Variants in NOPCHAP1 observed in about 807,000 individuals in gnomAD.
The protein encoded by NOPCHAP1 is DNA damage-sensitive RNA 1.
Under a neutral mutation model 14.0 loss-of-function variants are expected in NOPCHAP1, and 13 were observed. The observed-to-expected ratio is 0.93, with a 90% CI of 0.60 to 1.47. The LOEUF is 1.47. Among genes scored for constraint, NOPCHAP1 ranks in the 40% most tolerant of loss-of-function variants. The pLI is 0.00. For synonymous variants in NOPCHAP1, 78 were observed against 78.4 expected (o/e 1.00, Z 0.03); for missense variants, 230 against 226.9 (o/e 1.01, Z -0.09).
At position 105,003,260 on chromosome 12, in the gene NOPCHAP1, T is replaced by C. The variant is rs914433936; in HGVS notation, c.*8564T>C. ...CACTGGAATTCTAATTTTTTTTGTG[T>C]GTGTGTGAGTTTCATTTTTCTAGAA... is the stretch of plus-strand genomic sequence containing the variant. On this transcript the variant is annotated 3_prime_UTR_variant, in exon 4 of 4. Coordinates refer to ENST00000552951, the MANE Select transcript of NOPCHAP1 (RefSeq NM_152318.3). The C allele has an allele frequency of 3.4e-4, 52 of 152,222 alleles. No homozygotes were observed. Among genetic ancestry groups the C allele is most frequent in the African/African-American group, 1.2e-3 (51 of 41,458 alleles). The allele number at this position is 152,222 out of a possible 1,614,324, so 9.4% of individuals were successfully genotyped here.
intron 2 of NOPCHAP1, among the ~76,000 whole-genome samples, chr12:104,989,601 T>G (rs1485032104): frequency 6.6e-6 from 1 of 152,226 alleles, no homozygotes; most frequent in African/African-American, 2.4e-5. Context: ...ATGTGCCCTT[T>G]GTAGTTTTCT....
rs541288389 is a variant in NOPCHAP1, at chr12:105,005,114, G to T, written c.*10418G>T. The T allele has an allele frequency of 2.0e-5, 3 of 152,288 alleles. No homozygotes were observed. Among genetic ancestry groups the T allele is most frequent in the Middle Eastern group, 3.4e-3 (1 of 298 alleles). 9.4% of individuals were successfully genotyped at this position (152,288 alleles called of 1,614,324 possible). A position where few individuals can be genotyped will look rare whatever the true frequency, so the allele number is the denominator to read the frequency against. ...TATAGAAGAAGAAGGCATACTCATT[G>T]TAACTTTATGGAAATACATTGTAAT... is the stretch of plus-strand genomic sequence containing the variant. On this transcript the variant is annotated 3_prime_UTR_variant, in exon 4 of 4. Coordinates refer to ENST00000552951, the MANE Select transcript of NOPCHAP1 (RefSeq NM_152318.3).
chr12:105,011,200 T>C lies in NOPCHAP1; in HGVS notation c.*16504T>C, dbSNP rs993851639. The C allele has an allele frequency of 3.3e-5, 5 of 152,250 alleles. No homozygotes were observed. Among genetic ancestry groups the C allele is most frequent in the Non-Finnish European group, 5.9e-5 (4 of 68,036 alleles). 9.4% of individuals were successfully genotyped at this position (152,250 alleles called of 1,614,324 possible). On this transcript the variant is annotated 3_prime_UTR_variant, in exon 4 of 4. Transcript: ENST00000552951. ...ATATATTTAGGATAGTTAGCTCTTC[T>C]TGTTGGGTTGATCCCTTTACCATTA...
rs1406774514 is a variant in NOPCHAP1 at position 104,986,469 on chromosome 12, T to G, written c.115+2T>G. ...CGGCGGGAAGCGACGGCCGCGGAGGTGACGGACGGGTGACGGCGGCATGGG... is the reference window on the plus strand; with the variant it reads ...CGGCGGGAAGCGACGGCCGCGGAGGGGACGGACGGGTGACGGCGGCATGGG... On this transcript the variant is annotated splice_donor_variant, in intron 1 of 3. Coordinates refer to ENST00000552951, the MANE Select transcript of NOPCHAP1 (RefSeq NM_152318.3). LOFTEE classifies it high-confidence loss of function. 6.3e-7 allele frequency: 1 copy of G among 1,596,722 alleles called. No homozygotes were observed.
chr12:104,997,877 C>T lies in NOPCHAP1; in HGVS notation c.*3181C>T, dbSNP rs990979761. 2.0e-5 allele frequency: 3 copies of T among 152,136 alleles called. No homozygotes were observed. Among genetic ancestry groups the T allele is most frequent in the Non-Finnish European group, 4.4e-5 (3 of 68,024 alleles). 9.4% of individuals were successfully genotyped at this position (152,136 alleles called of 1,614,324 possible). On this transcript the variant is annotated 3_prime_UTR_variant, in exon 4 of 4. Coordinates refer to ENST00000552951, the MANE Select transcript of NOPCHAP1 (RefSeq NM_152318.3). ...TCTCTTTTCATAATCCCATATTTCT[C>T]GGAAGTTTTGTCCATTCTTTATTGT...
At chr12:104,991,154 G>A (rs1225320197) in intron 2 of NOPCHAP1, among the ~76,000 whole-genome samples, 2 of 152,174 alleles carry the variant, frequency 1.3e-5, no homozygotes, top group African/African-American at 2.4e-5. Context: ...GTGTCACTGT[G>A]ATGCCACTAA....
rs578084418 is a variant in NOPCHAP1, at chr12:105,008,089, A to G, written c.*13393A>G. On this transcript the variant is annotated 3_prime_UTR_variant, in exon 4 of 4. Coordinates refer to ENST00000552951, the MANE Select transcript of NOPCHAP1 (RefSeq NM_152318.3). Reference sequence around the variant, plus strand: ...AGGAATTGCCACACTGTCTTCCACAATGGTTGAACTAATTTACAATCCCAC... The same window carrying G: ...AGGAATTGCCACACTGTCTTCCACAGTGGTTGAACTAATTTACAATCCCAC... The G allele has an allele frequency of 3.9e-5, 6 of 152,288 alleles. No homozygotes were observed. The South Asian group carries it at 6.2e-4, about 16-fold the overall frequency. The allele number at this position is 152,288 out of a possible 1,614,324, so 9.4% of individuals were successfully genotyped here. A position where few individuals can be genotyped will look rare whatever the true frequency, so the allele number is the denominator to read the frequency against.
rs976049967 is a variant in NOPCHAP1 at position 105,002,217 on chromosome 12, G to C, written c.*7521G>C. On this transcript the variant is annotated 3_prime_UTR_variant, in exon 4 of 4. Transcript: ENST00000552951. ...AGGGAGAGGAAGTCCCTTTGGTCTT[G>C]GTCTTTGTGGTTATTGTAATTAGAG... 1 of 152,172 alleles carries C rather than the reference G, an allele frequency of 6.6e-6. No individual in the cohort carries two copies. The highest frequency in any genetic ancestry group is 2.4e-5 in the African/African-American group (1 of 41,444). The allele number at this position is 152,172 out of a possible 1,614,324, so 9.4% of individuals were successfully genotyped here.
In NOPCHAP1 at chr12:105,000,494, G is replaced by C. The variant is rs1367078656; in HGVS notation, c.*5798G>C. 6.6e-6 allele frequency: 1 copy of C among 152,068 alleles called. No individual in the cohort carries two copies. Among genetic ancestry groups the C allele is most frequent in the Non-Finnish European group, 1.5e-5 (1 of 68,006 alleles). The allele number at this position is 152,068 out of a possible 1,614,324, so 9.4% of individuals were successfully genotyped here. ...AAATTATGGTCCTATGGATTTTCCT[G>C]TAAGGAAAAGGAAAGATTAAGACAA... On this transcript the variant is annotated 3_prime_UTR_variant, in exon 4 of 4. Coordinates refer to ENST00000552951, the MANE Select transcript of NOPCHAP1 (RefSeq NM_152318.3).
intron 1 of NOPCHAP1, among the ~76,000 whole-genome samples, chr12:104,987,319 G>A (rs934862479): frequency 6.6e-6 from 1 of 152,162 alleles, no homozygotes; most frequent in African/African-American, 2.4e-5. Flanking sequence ...TTTTATAGTT[G>A]AGGAACCTGA....
In NOPCHAP1 at chr12:104,999,426, A is replaced by C. The variant is rs1285726625; in HGVS notation, c.*4730A>C. The C allele has an allele frequency of 6.6e-6, 1 of 152,354 alleles. No individual in the cohort carries two copies. Among genetic ancestry groups the C allele is most frequent in the African/African-American group, 2.4e-5 (1 of 41,430 alleles). The allele number at this position is 152,354 out of a possible 1,614,324, so 9.4% of individuals were successfully genotyped here. On this transcript the variant is annotated 3_prime_UTR_variant, in exon 4 of 4. Coordinates refer to ENST00000552951, the MANE Select transcript of NOPCHAP1 (RefSeq NM_152318.3). ...CAGGACGCACCCCACCTGGGCATCT[A>C]AGGCTGCACTGCAAGCAGGGACAGC...
Position 104,995,401 on chromosome 12 carries a change from C to CA in NOPCHAP1, c.*709dup, listed in dbSNP as rs1050043607. The stretch of plus-strand genomic sequence containing the variant: ...AATTGTATTGAATTTTCTGTAGTAG[C>CA]AAAATCTGGAAAAATAGGTACAACA... On this transcript the variant is annotated 3_prime_UTR_variant, in exon 4 of 4. Coordinates refer to ENST00000552951, the MANE Select transcript of NOPCHAP1 (RefSeq NM_152318.3). 4 of 152,166 alleles carry CA rather than the reference C, an allele frequency of 2.6e-5. No homozygotes were observed. The highest frequency in any genetic ancestry group is 4.4e-5 in the Non-Finnish European group (3 of 68,088). 9.4% of individuals were successfully genotyped at this position (152,166 alleles called of 1,614,324 possible).
Position 105,015,352 on chromosome 12 carries a change from A to G in NOPCHAP1, c.*20656A>G, listed in dbSNP as rs1873925091. The G allele has an allele frequency of 6.6e-6, 1 of 152,208 alleles. No homozygotes were observed. Among genetic ancestry groups the G allele is most frequent in the African/African-American group, 2.4e-5 (1 of 41,452 alleles). The allele number at this position is 152,208 out of a possible 1,614,324, so 9.4% of individuals were successfully genotyped here. A position where few individuals can be genotyped will look rare whatever the true frequency, so the allele number is the denominator to read the frequency against. On this transcript the variant is annotated 3_prime_UTR_variant, in exon 4 of 4. Coordinates refer to ENST00000552951, the MANE Select transcript of NOPCHAP1 (RefSeq NM_152318.3). The stretch of plus-strand genomic sequence containing the variant: ...TGTGGTGCACAGTAGGCATGGAATA[A>G]TGATAATAAATGGATTAAATGGATG...
rs1324124888 is a variant in NOPCHAP1, at chr12:105,003,261, G to A, written c.*8565G>A. ...ACTGGAATTCTAATTTTTTTTGTGT[G>A]TGTGTGAGTTTCATTTTTCTAGAAA... On this transcript the variant is annotated 3_prime_UTR_variant, in exon 4 of 4. Transcript: ENST00000552951. 6.6e-6 allele frequency: 1 copy of A among 152,084 alleles called. No individual in the cohort carries two copies. Among genetic ancestry groups the A allele is most frequent in the Non-Finnish European group, 1.5e-5 (1 of 68,016 alleles). The allele number at this position is 152,084 out of a possible 1,614,324, so 9.4% of individuals were successfully genotyped here.
At chr12:104,991,573 G>C in intron 2 of NOPCHAP1, 139 bp from the exon 3 acceptor site, 1 of 815,382 alleles carries the variant, frequency 1.2e-6, no homozygotes, top group Non-Finnish European at 1.8e-6. Context: ...GAGGATGGAG[G>C]GTTTTTAAAT....
rs1488245559 is a variant in NOPCHAP1, at chr12:105,010,816, T to C, written c.*16120T>C. The C allele has an allele frequency of 6.6e-6, 1 of 152,238 alleles. No individual in the cohort carries two copies. The highest frequency in any genetic ancestry group is 1.5e-5 in the Non-Finnish European group (1 of 68,046). The allele number at this position is 152,238 out of a possible 1,614,324, so 9.4% of individuals were successfully genotyped here. ...TGAATTTCTTAATCCTGAGTTTTAA[T>C]TTGATTGCACTGTGGTCTGAGAGAC... On this transcript the variant is annotated 3_prime_UTR_variant, in exon 4 of 4. Coordinates refer to ENST00000552951, the MANE Select transcript of NOPCHAP1 (RefSeq NM_152318.3).
chr12:105,010,752 G>A lies in NOPCHAP1; in HGVS notation c.*16056G>A, dbSNP rs1242124347. ...TTATTTACCCAGTAGTCATTCAGGA[G>A]CAGGTTGTTCAGTTTCCACATAGTT... On this transcript the variant is annotated 3_prime_UTR_variant, in exon 4 of 4. Coordinates refer to ENST00000552951, the MANE Select transcript of NOPCHAP1 (RefSeq NM_152318.3). The A allele has an allele frequency of 1.3e-5, 2 of 152,142 alleles. No homozygotes were observed. The highest frequency in any genetic ancestry group is 4.8e-5 in the African/African-American group (2 of 41,428). The allele number at this position is 152,142 out of a possible 1,614,324, so 9.4% of individuals were successfully genotyped here. A position where few individuals can be genotyped will look rare whatever the true frequency, so the allele number is the denominator to read the frequency against.
chr12:104,990,215 C>T (rs573611568), intron 2 of NOPCHAP1, among the ~76,000 whole-genome samples: 2 of 152,154 alleles, frequency 1.3e-5, no homozygotes, highest in Admixed American at 1.3e-4. Context: ...GGACTAGCCT[C>T]AGGGTTCAGC....
chr12:104,988,142 G>C, intron 1 of NOPCHAP1, 25 bp from the exon 2 acceptor site: 1 of 1,542,934 alleles, frequency 6.5e-7, no homozygotes, highest in Non-Finnish European at 8.9e-7. Flanking sequence ...GTAAATTAAG[G>C]GTGTTTGTGT....
Sources: allele counts gnomAD v4.1 joint callset (sites outside exome capture counted in the v4.1 genomes callset), GRCh38; gene constraint gnomAD v4.1.1; transcripts MANE v1.5; gene names NCBI Gene and HGNC (gene_info 2026-07-23, HGNC 2026-07-21).